The following TXNDC15 variants were observed in gnomAD, a reference collection of about 807,000 sequenced individuals.
The protein encoded by TXNDC15 is thioredoxin domain containing 15.
Under a neutral mutation model 35.0 loss-of-function variants are expected in TXNDC15, and 24 were observed. The ratio of observed to expected loss-of-function variants is 0.68; its 90% CI spans 0.50 to 0.96. TXNDC15 has a LOEUF of 0.96. TXNDC15 is among the 40% of genes least tolerant of loss of function. The probability of loss-of-function intolerance (pLI) is 0.00; values close to 1 mark genes in which losing one functional copy is unlikely to be tolerated. For missense variants in TXNDC15, 385 were observed against 453.3 expected (o/e 0.85, Z 1.37); for synonymous variants, 169 against 174.0 (o/e 0.97, Z 0.23).
At position 134,874,457 on chromosome 5, in the gene TXNDC15, C is replaced by G. The variant is rs1027656159; in HGVS notation, c.30C>G (p.Pro10=). MVPAAGRRP[P]RVMRLLGWWQ... The stretch of plus-strand genomic sequence containing the variant: ...TCCCGGCTGCCGGTCGACGACCGCC[C>G]CGCGTCATGCGGCTCCTCGGCTGGT... Residue 10 remains proline, a synonymous_variant, in exon 1 of 5, where the codon CCC becomes CCG. Transcript: ENST00000358387. The G allele has an allele frequency of 6.2e-7, 1 of 1,604,918 alleles. No individual in the cohort carries two copies.
At chr5:134,874,129 G>C, upstream of TXNDC15, 1 of 307,658 alleles carries the variant, frequency 3.3e-6, no homozygotes. Context: ...TGACTTCCGA[G>C]GGAAGAAAGG....
intron 1 of TXNDC15, among the ~76,000 whole-genome samples, chr5:134,882,728 C>T (rs1024837064): frequency 2.0e-5 from 3 of 152,074 alleles, no homozygotes; most frequent in Non-Finnish European, 2.9e-5. Flanking sequence ...CAATCGCAGG[C>T]ACTCGGCAGG....
chr5:134,889,087 C>T (rs1009984708), intron 2 of TXNDC15, among the ~76,000 whole-genome samples: 3 of 152,196 alleles, frequency 2.0e-5, no homozygotes, highest in Non-Finnish European at 4.4e-5. Context: ...CAGTGCTCGG[C>T]GCTGGCTTTG....
At chr5:134,894,525 G>C (rs950894753) in intron 3 of TXNDC15, among the ~76,000 whole-genome samples, 3 of 151,908 alleles carry the variant, frequency 2.0e-5, no homozygotes, top group African/African-American at 7.2e-5. Context: ...CTGCCACCAT[G>C]CCGGCTAATT....
At chr5:134,883,155 G>A (rs1343171247) in intron 1 of TXNDC15, among the ~76,000 whole-genome samples, 1 of 152,036 alleles carries the variant, frequency 6.6e-6, no homozygotes, top group Non-Finnish European at 1.5e-5. Context: ...GGCTGGGCAT[G>A]GTGGCTCACG....
chr5:134,894,381 T>C (rs1259998668), intron 3 of TXNDC15, among the ~76,000 whole-genome samples: 4 of 150,412 alleles, frequency 2.7e-5, no homozygotes, highest in East Asian at 3.9e-4. Context: ...TTTTTTTTTT[T>C]TTTTGAGGTG....
chr5:134,899,078 G>GAA (rs56940924), intron 4 of TXNDC15, among the ~76,000 whole-genome samples: 1 of 142,308 alleles, frequency 7.0e-6, no homozygotes. Flanking sequence ...CTTCATCACA[G>GAA]AAAAAAAAAA....
At position 134,892,022 on chromosome 5, in the gene TXNDC15, C is replaced by T. The variant is rs535186095; in HGVS notation, c.592-1470C>T. 2.6e-5 allele frequency among the ~76,000 whole-genome samples: 4 copies of T among 152,304 alleles called. No individual in the cohort carries two copies. The South Asian group carries it at 8.3e-4, about 32-fold the overall frequency. On this transcript the variant is annotated intron_variant, in intron 2 of 4. Transcript: ENST00000358387. ...CCTGTCCTTTGAAGCCAGGCATTGACATCTCTTGTCTAGCTATGAAAGTCC... is the reference window on the plus strand; with the variant it reads ...CCTGTCCTTTGAAGCCAGGCATTGATATCTCTTGTCTAGCTATGAAAGTCC...
At chr5:134,896,799 A>T (rs1750498541) in intron 4 of TXNDC15, among the ~76,000 whole-genome samples, 1 of 151,176 alleles carries the variant, frequency 6.6e-6, no homozygotes. Context: ...GCCCGCCACC[A>T]TACCCGGCTA....
intron 4 of TXNDC15, among the ~76,000 whole-genome samples, chr5:134,896,639 CT>C (rs1351315064): frequency 1.8e-4 from 27 of 146,732 alleles, no homozygotes; most frequent in Admixed American, 2.1e-4. Flanking sequence ...ATTATAGATA[CT>C]TTTTTTTTCC....
chr5:134,882,515 G>C (rs1023487980), intron 1 of TXNDC15, among the ~76,000 whole-genome samples: 2 of 151,776 alleles, frequency 1.3e-5, no homozygotes, highest in South Asian at 2.1e-4. Flanking sequence ...ATGTTGTAGC[G>C]AGCCGAGATC....
In TXNDC15 at chr5:134,887,792, C is replaced by T; in HGVS notation, c.201C>T (p.Asp67=). 1 of 1,614,152 alleles carries T rather than the reference C, an allele frequency of 6.2e-7. No individual in the cohort carries two copies. The highest frequency in any genetic ancestry group is 8.5e-7 in the Non-Finnish European group (1 of 1,180,022). Residue 67 remains aspartate (D), a synonymous_variant, in exon 2 of 5, where the codon GAC becomes GAT. Coordinates refer to ENST00000358387, the MANE Select transcript of TXNDC15 (RefSeq NM_024715.4). ...VYLGEEELLH[D]PMGQDRAAEE... ...TGGGTGAGGAGGAGCTCCTGCATGA[C>T]CCGATGGGCCAGGACAGGGCAGCAG... is the stretch of plus-strand genomic sequence containing the variant.
chr5:134,881,256 A>G (rs1183009785), intron 1 of TXNDC15, among the ~76,000 whole-genome samples: 4 of 130,298 alleles, frequency 3.1e-5, no homozygotes, highest in Non-Finnish European at 4.8e-5. Context: ...GCAGGGTCAC[A>G]GGACAATAGT....
At position 134,899,675 on chromosome 5, in the gene TXNDC15, A is replaced by G. The variant is rs1750563690; in HGVS notation, c.1073A>G (p.His358Arg). The G allele has an allele frequency of 2.5e-6, 4 of 1,607,626 alleles. No individual in the cohort carries two copies. Among genetic ancestry groups the G allele is most frequent in the South Asian group, 2.2e-5 (2 of 89,930 alleles). The change falls in exon 5 of 5, where the codon CAT becomes CGT. Residue 358 changes from histidine to arginine, a missense_variant. His to Arg is a conservative substitution (Grantham distance 29, BLOSUM62 0). Transcript: ENST00000358387. ...RWLIPGQEQE[H>R]VE ...CTAATTCCAGGACAAGAGCAGGAAC[A>G]TGTGGAGTAGTGATGGTCTGAAAGA... is the stretch of plus-strand genomic sequence containing the variant.
chr5:134,893,320 G>C, intron 2 of TXNDC15, 172 bp from the exon 3 acceptor site: 1 of 615,052 alleles, frequency 1.6e-6, no homozygotes, highest in Non-Finnish European at 2.8e-6. Flanking sequence ...CTTTTTTGCT[G>C]GTTCCTGGAT....
Position 134,899,532 on chromosome 5 carries a change from A to G in TXNDC15, c.930A>G (p.Gln310=). The change falls in exon 5 of 5, where the codon CAA becomes CAG. Residue 310 remains glutamine, a synonymous_variant. Coordinates refer to ENST00000358387, the MANE Select transcript of TXNDC15 (RefSeq NM_024715.4). The stretch of plus-strand genomic sequence containing the variant: ...ATGTGGTGGTAACTCAAGCCGACCA[A>G]ATAGGCCCTCTTCCCAGCACTTTGA... ...KKNVVVTQAD[Q]IGPLPSTLIK... 6.2e-7 allele frequency: 1 copy of G among 1,613,808 alleles called. No homozygotes were observed. The highest frequency in any genetic ancestry group is 1.1e-5 in the South Asian group (1 of 90,936).
rs1424450736 is a variant in TXNDC15 at position 134,899,709 on chromosome 5, A to G, written c.*24A>G. On this transcript the variant is annotated 3_prime_UTR_variant, in exon 5 of 5. Transcript: ENST00000358387. Reference sequence around the variant, plus strand: ...AGTGATGGTCTGAAAGAAGTTGGAAAGAGGAACTTCAATCCTTCGTTTCAG... The same window carrying G: ...AGTGATGGTCTGAAAGAAGTTGGAAGGAGGAACTTCAATCCTTCGTTTCAG... The G allele has an allele frequency of 9.1e-6, 14 of 1,537,562 alleles. 1 individual carries two copies. The South Asian group carries it at 1.8e-4, about 19-fold the overall frequency.
At chr5:134,880,581 C>T (rs984700351) in intron 1 of TXNDC15, among the ~76,000 whole-genome samples, 7 of 151,710 alleles carry the variant, frequency 4.6e-5, no homozygotes, top group Admixed American at 1.3e-4. Context: ...GGATTACGGG[C>T]GCCCGCTACC....
intron 4 of TXNDC15, 81 bp from the exon 5 acceptor site, chr5:134,899,408 G>A: frequency 8.3e-7 from 1 of 1,202,178 alleles, no homozygotes; most frequent in Non-Finnish European, 1.2e-6. Flanking sequence ...ATGTCATTTT[G>A]CATACCATAC....
Sources: allele counts gnomAD v4.1 joint callset (sites outside exome capture counted in the v4.1 genomes callset), GRCh38; gene constraint gnomAD v4.1.1; transcripts MANE v1.5; gene names NCBI Gene and HGNC (gene_info 2026-07-23, HGNC 2026-07-21).